The following CCDC24 variants were observed in gnomAD, a reference collection of about 807,000 sequenced individuals.
The protein encoded by CCDC24 is coiled-coil domain-containing protein 24.
CCDC24 carries 34 observed loss-of-function variants against 31.6 expected under a neutral mutation model. The ratio of observed to expected loss-of-function variants is 1.08; its 90% CI spans 0.82 to 1.43. The LOEUF (loss-of-function observed/expected upper bound fraction) is 1.43. Among genes scored for constraint, CCDC24 ranks in the 40% most tolerant of loss-of-function variants. The pLI is 0.00. For missense variants in CCDC24, 426 were observed against 391.1 expected, an observed-to-expected ratio of 1.09 and a Z score of -0.75; for synonymous variants, 175 against 157.3, an observed-to-expected ratio of 1.11 and a Z score of -0.84.
At position 43,992,216 on chromosome 1, in the gene CCDC24, C is replaced by T. The variant is rs777434104; in HGVS notation, c.131C>T (p.Ala44Val). 37 of 1,610,388 alleles carry T rather than the reference C, an allele frequency of 2.3e-5. No individual in the cohort carries two copies. In the East Asian group the frequency reaches 3.6e-4, roughly 16 times the overall value. Residue 44 changes from alanine (A) to valine (V), a missense_variant, in exon 3 of 9, where the codon GCG (alanine) becomes GTG (valine). Transcript: ENST00000372318. The part of the protein sequence containing the change: ...DLSLELRAEV[A>V]MLRALLQEAR... ...GTATCCCAGCTCTCCTTGCAGGTGG[C>T]GATGTTACGGGCACTGCTCCAAGAG... is the stretch of plus-strand genomic sequence containing the variant.
rs771058166 is a variant in CCDC24 at position 43,991,662 on chromosome 1, C to G, written c.-117C>G. On this transcript the variant is annotated 5_prime_UTR_variant, in exon 1 of 9. Coordinates refer to ENST00000372318, the MANE Select transcript of CCDC24 (RefSeq NM_152499.4). ...TCTGGGCCCCCGGCATCCGAGTCGG[C>G]CAAAAGCCGGGCAGAAGAGAGCGCC... 1.2e-5 allele frequency: 9 copies of G among 733,914 alleles called. No individual in the cohort carries two copies. The Middle Eastern group carries it at 1.8e-3, about 148-fold the overall frequency. 45.5% of individuals were successfully genotyped at this position (733,914 alleles called of 1,614,324 possible).
At position 43,995,380 on chromosome 1, in the gene CCDC24, C is replaced by CT; in HGVS notation, c.553-217dup. On this transcript the variant is annotated intron_variant, in intron 6 of 8. Transcript: ENST00000372318. This position sits in a 1 kb window ranked among gnomAD's most constrained non-coding sequence, Gnocchi z 4.3. ...AAGGCCAGGGCCAACCGTTTTAGGT[C>CT]TTTTGCCTCCTTCCTTTACCTAAGT... The CT allele has an allele frequency of 1.4e-6, 1 of 692,946 alleles. No homozygotes were observed. The highest frequency in any genetic ancestry group is 2.4e-6 in the Non-Finnish European group (1 of 420,280). 42.9% of individuals were successfully genotyped at this position (692,946 alleles called of 1,614,324 possible).
intron 2 of CCDC24, 75 bp from the exon 3 acceptor site, chr1:43,992,137 T>A (rs2085756409): frequency 3.3e-6 from 5 of 1,519,768 alleles, no homozygotes; most frequent in Non-Finnish European, 4.5e-6. Context: ...CTCCGCCCTC[T>A]CCCTCACTCC....
chr1:43,994,082 CG>C, intron 5 of CCDC24, 118 bp downstream of exon 5: 1 of 891,036 alleles, frequency 1.1e-6, no homozygotes. Context: ...GGCCCATGTG[CG>C]TAAGGCTGAG....
At chr1:43,994,252 C>T in intron 5 of CCDC24, 2 of 409,060 alleles carry the variant, frequency 4.9e-6, no homozygotes, top group South Asian at 6.4e-5. Flanking sequence ...TCGAAACCAG[C>T]TTGGCCAACA....
intron 2 of CCDC24, 90 bp downstream of exon 2, chr1:43,992,094 ACTCCCGAGAT>A: frequency 6.7e-7 from 1 of 1,502,660 alleles, no homozygotes. Flanking sequence ...CTGCCGGGTA[ACTCCCGAGAT>A]CCTATCCTGG....
Position 43,995,278 on chromosome 1 carries a change from C to T in CCDC24, c.552+116C>T. 1 of 1,072,068 alleles carries T rather than the reference C, an allele frequency of 9.3e-7. No homozygotes were observed. Among genetic ancestry groups the T allele is most frequent in the Non-Finnish European group, 1.4e-6 (1 of 730,942 alleles). The allele number at this position is 1,072,068 out of a possible 1,614,324, so 66.4% of individuals were successfully genotyped here. On this transcript the variant is annotated intron_variant, in intron 6 of 8. Coordinates refer to ENST00000372318, the MANE Select transcript of CCDC24 (RefSeq NM_152499.4). This position sits in a 1 kb window ranked among gnomAD's most constrained non-coding sequence, Gnocchi z 4.3. ...GGTGCATGTACAGGCTATGTGAGTCCTGCATCCATTTCTCAGGGGTGCATG... is the reference window on the plus strand; with the variant it reads ...GGTGCATGTACAGGCTATGTGAGTCTTGCATCCATTTCTCAGGGGTGCATG...
rs1342469204 is a variant in CCDC24 at position 43,992,575 on chromosome 1, T to C, written c.355T>C (p.Leu119=). Residue 119 remains leucine, a synonymous_variant, in exon 4 of 9, where the codon TTG becomes CTG. Coordinates refer to ENST00000372318, the MANE Select transcript of CCDC24 (RefSeq NM_152499.4). ...TAGCCCCAGGGTCCTGCACTTTGCC[T>C]TGGAGGAGCCCAGGTGTGATTTGCC... is the stretch of plus-strand genomic sequence containing the variant. ...QYSPRVLHFA[L]EEPRCDLPEQ... 1.2e-6 allele frequency: 2 copies of C among 1,614,206 alleles called. No homozygotes were observed. Among genetic ancestry groups the C allele is most frequent in the African/African-American group, 1.3e-5 (1 of 75,042 alleles).
chr1:43,995,184 T>C lies in CCDC24; in HGVS notation c.552+22T>C. ...GCAGGTGAGCCGCAGCCCTGGGCCC[T>C]CCCCCGAGCCTCACTGCTGAGCGTA... On this transcript the variant is annotated intron_variant, in intron 6 of 8. Coordinates refer to ENST00000372318, the MANE Select transcript of CCDC24 (RefSeq NM_152499.4). This position sits in a 1 kb window ranked among gnomAD's most constrained non-coding sequence, Gnocchi z 4.3. 6.4e-7 allele frequency: 1 copy of C among 1,554,212 alleles called. No individual in the cohort carries two copies. The highest frequency in any genetic ancestry group is 8.7e-7 in the Non-Finnish European group (1 of 1,150,098).
At position 43,993,728 on chromosome 1, in the gene CCDC24, GGCAGAGCTCATTT is replaced by G. The variant is rs1005219902; in HGVS notation, c.420-155_420-143del. The G allele has an allele frequency of 3.2e-5, 20 of 617,032 alleles. No homozygotes were observed. The African/African-American group carries it at 3.7e-4, about 11-fold the overall frequency. The allele number at this position is 617,032 out of a possible 1,614,324, so 38.2% of individuals were successfully genotyped here. Reference sequence around the variant, plus strand: ...CCTGAAGTCACACACAATGAAGGGTGGCAGAGCTCATTTGCAAACCTAGGCTCCCAAACTCTTA... The same window carrying G: ...CCTGAAGTCACACACAATGAAGGGTGGCAAACCTAGGCTCCCAAACTCTTA... On this transcript the variant is annotated intron_variant, in intron 4 of 8. Transcript: ENST00000372318.
chr1:43,991,802 C>G (rs1249832700), intron 1 of CCDC24, 45 bp from the exon 2 acceptor site: 1 of 1,529,142 alleles, frequency 6.5e-7, no homozygotes, highest in East Asian at 2.5e-5. Flanking sequence ...TGAGCGTTGC[C>G]GGCGGGCCCG....
chr1:43,994,744 C>A, intron 5 of CCDC24: 1 of 268,786 alleles, frequency 3.7e-6, no homozygotes, highest in Non-Finnish European at 7.1e-6. Flanking sequence ...CCTGGCCGAC[C>A]CTGTTTCAAA....
rs1186186428 is a variant in CCDC24, at chr1:43,996,511, A to G, written c.*351A>G. On this transcript the variant is annotated 3_prime_UTR_variant, in exon 9 of 9. Coordinates refer to ENST00000372318, the MANE Select transcript of CCDC24 (RefSeq NM_152499.4). Reference sequence around the variant, plus strand: ...GAGACAGGAATAGAAATTTCATTAAAATCTATGGACTTTAAAATCCTAGTG... The same window carrying G: ...GAGACAGGAATAGAAATTTCATTAAGATCTATGGACTTTAAAATCCTAGTG... The G allele has an allele frequency of 3.6e-6, 1 of 275,308 alleles. No individual in the cohort carries two copies. Among genetic ancestry groups the G allele is most frequent in the Non-Finnish European group, 6.8e-6 (1 of 146,488 alleles). 17.1% of individuals were successfully genotyped at this position (275,308 alleles called of 1,614,324 possible).
Position 43,995,250 on chromosome 1 carries a change from A to G in CCDC24, c.552+88A>G. ...GAGACCCATGTACCTGTGTGCATAC[A>G]TAGGTGCATGTACAGGCTATGTGAG... On this transcript the variant is annotated intron_variant, in intron 6 of 8. Transcript: ENST00000372318. The surrounding 1 kb of genome is among the most constrained non-coding windows in gnomAD (Gnocchi z 4.3). The G allele has an allele frequency of 5.3e-6, 7 of 1,319,980 alleles. No homozygotes were observed. In the South Asian group the frequency reaches 7.6e-5, roughly 14 times the overall value. 81.8% of individuals were successfully genotyped at this position (1,319,980 alleles called of 1,614,324 possible).
rs2085839625 is a variant in CCDC24 at position 43,995,924 on chromosome 1, T to G, written c.702-14T>G. 1.9e-6 allele frequency: 3 copies of G among 1,613,678 alleles called. No individual in the cohort carries two copies. In the Admixed American group the frequency reaches 5.0e-5, roughly 27 times the overall value. ...TCAGACCACCACCCCTCACAGTTAC[T>G]CTTTCTTGTCCAGGCAGCGGCCCTT... On this transcript the variant is annotated splice_polypyrimidine_tract_variant and intron_variant, in intron 8 of 8. Coordinates refer to ENST00000372318, the MANE Select transcript of CCDC24 (RefSeq NM_152499.4). This position sits in a 1 kb window ranked among gnomAD's most constrained non-coding sequence, Gnocchi z 4.3.
Position 43,996,041 on chromosome 1 carries a change from T to C in CCDC24, c.805T>C (p.Tyr269His), listed in dbSNP as rs2085844295. 6.2e-7 allele frequency: 1 copy of C among 1,614,152 alleles called. No homozygotes were observed. The highest frequency in any genetic ancestry group is 1.7e-5 in the Admixed American group (1 of 60,028). Residue 269 changes from tyrosine to histidine, a missense_variant, in exon 9 of 9, where the codon TAC becomes CAC. Transcript: ENST00000372318. The stretch of plus-strand genomic sequence containing the variant: ...CCTGCCTGCACCTCCTCTGGAGCCC[T>C]ACCTTCGACCTCGAGGCCAGTCGGC... ...CCLPAPPLEPYLRPRGQSATH... is the reference protein window; with the variant it reads ...CCLPAPPLEPHLRPRGQSATH...
chr1:43,995,508 C>T lies in CCDC24; in HGVS notation c.553-93C>T, dbSNP rs2085825299. On this transcript the variant is annotated intron_variant, in intron 6 of 8. Coordinates refer to ENST00000372318, the MANE Select transcript of CCDC24 (RefSeq NM_152499.4). The surrounding 1 kb of genome is among the most constrained non-coding windows in gnomAD (Gnocchi z 4.3). ...CCTCACGGTGGATGGGCTGAAGGGG[C>T]TGCACGGGCCTGCCCTGGGGATCTT... is the stretch of plus-strand genomic sequence containing the variant. 1 of 1,331,682 alleles carries T rather than the reference C, an allele frequency of 7.5e-7. No individual in the cohort carries two copies. Among genetic ancestry groups the T allele is most frequent in the Non-Finnish European group, 1.0e-6 (1 of 982,422 alleles). The allele number at this position is 1,331,682 out of a possible 1,614,324, so 82.5% of individuals were successfully genotyped here.
chr1:43,992,427 G>A, intron 3 of CCDC24, 40 bp downstream of exon 3: 2 of 1,613,368 alleles, frequency 1.2e-6, no homozygotes, highest in Non-Finnish European at 1.7e-6. Context: ...TAGATACCAG[G>A]TGGGCTAGCG....
At chr1:43,992,965 T>A (rs1419577124) in intron 4 of CCDC24, among the ~76,000 whole-genome samples, 1 of 152,182 alleles carries the variant, frequency 6.6e-6, no homozygotes, top group Non-Finnish European at 1.5e-5. Flanking sequence ...GTTGTTCCTC[T>A]GGCCTAGAGA....
Sources: gnomAD v4.1 joint callset for allele counts (sites outside exome capture counted in the v4.1 genomes callset) on GRCh38, gnomAD v4.1.1 for gene constraint, Gnocchi (gnomAD v3.1) non-coding constraint, MANE v1.5 for transcripts, NCBI Gene and HGNC (gene_info 2026-07-23, HGNC 2026-07-21) for gene names.